Variants in SAMD12 observed in about 807,000 individuals in gnomAD.
SAMD12 encodes sterile alpha motif domain-containing protein 12.
SAMD12 carries 9 observed loss-of-function variants against 15.0 expected under a neutral mutation model. That is an observed-to-expected ratio of 0.60 (90% confidence interval 0.36 to 1.05). The LOEUF is 1.05. Among genes scored for constraint, SAMD12 ranks in the 50% least tolerant of loss-of-function variants. The pLI, the probability that SAMD12 is intolerant of heterozygous loss-of-function variation, is 0.01. For synonymous variants in SAMD12, 86 were observed against 90.1 expected, an observed-to-expected ratio of 0.96 and a Z score of 0.25; for missense variants, 230 against 234.2, an observed-to-expected ratio of 0.98 and a Z score of 0.12.
intron 2 of SAMD12, among the ~76,000 whole-genome samples, chr8:118,580,022 G>A (rs990830709): frequency 6.6e-6 from 1 of 152,136 alleles, no homozygotes; most frequent in African/African-American, 2.4e-5. Context: ...TATTTTGTCA[G>A]TTCTCTGTTA....
At chr8:118,572,095 G>A (rs536737987) in intron 2 of SAMD12, among the ~76,000 whole-genome samples, 11 of 152,220 alleles carry the variant, frequency 7.2e-5, no homozygotes, top group South Asian at 2.1e-4. Flanking sequence ...TTGCATCAGC[G>A]TGACCTGGAT....
Position 118,378,976 on chromosome 8 carries a change from A to G in SAMD12, c.*441T>C. The G allele has an allele frequency of 1.0e-6, 1 of 968,972 alleles. No homozygotes were observed. The highest frequency in any genetic ancestry group is 1.2e-6 in the Non-Finnish European group (1 of 812,418). The allele number at this position is 968,972 out of a possible 1,614,324, so 60.0% of individuals were successfully genotyped here. A position where few individuals can be genotyped will look rare whatever the true frequency, so the allele number is the denominator to read the frequency against. ...TATTATAAAAATTATTCCACTTTCA[A>G]GAAGCTAAATGGGGTTCTTACAATC... On this transcript the variant is annotated 3_prime_UTR_variant, in exon 4 of 4. Coordinates refer to ENST00000314727, the MANE Select transcript of SAMD12 (RefSeq NM_207506.3).
chr8:118,456,639 C>T (rs577882995), intron 2 of SAMD12, among the ~76,000 whole-genome samples: 3 of 152,148 alleles, frequency 2.0e-5, no homozygotes, highest in Non-Finnish European at 4.4e-5. Flanking sequence ...CAAAGGTGAG[C>T]AACTTAAAAA....
intron 2 of SAMD12, among the ~76,000 whole-genome samples, chr8:118,566,786 T>C (rs555606269): frequency 2.6e-5 from 4 of 152,214 alleles, no homozygotes; most frequent in Admixed American, 2.6e-4. Context: ...GGTATATATT[T>C]AGGCTTATCA....
In SAMD12 at chr8:118,589,795, C is replaced by A. The variant is rs150331938; in HGVS notation, c.14-8902G>T. ...ATCATCTTTATGTATATGAATTGAA[C>A]CACGTTTTTATGAAATATTACTTTC... On this transcript the variant is annotated intron_variant, in intron 1 of 3. Coordinates refer to ENST00000314727, the MANE Select transcript of SAMD12 (RefSeq NM_207506.3). 2.0e-5 allele frequency among the ~76,000 whole-genome samples: 3 copies of A among 152,262 alleles called. No individual in the cohort carries two copies. The East Asian group carries it at 5.8e-4, about 29-fold the overall frequency.
chr8:118,355,751 A>C (rs567275855), intron 4 of SAMD12, among the ~76,000 whole-genome samples: 3 of 152,336 alleles, frequency 2.0e-5, no homozygotes, highest in African/African-American at 7.2e-5. Context: ...GAAATTATTA[A>C]AAAGATCCAA....
At chr8:118,198,513 C>T (rs1164957109) in intron 4 of SAMD12, among the ~76,000 whole-genome samples, 3 of 151,998 alleles carry the variant, frequency 2.0e-5, no homozygotes, top group Non-Finnish European at 4.4e-5. Context: ...GTTTCTAATA[C>T]ACAAAACTAT....
intron 2 of SAMD12, among the ~76,000 whole-genome samples, chr8:118,475,646 G>C (rs1474457686): frequency 6.6e-6 from 1 of 152,200 alleles, no homozygotes; most frequent in Non-Finnish European, 1.5e-5. Flanking sequence ...GTGGTCTACT[G>C]CCTCAAAGGG....
chr8:118,531,523 T>C (rs1454539956), intron 2 of SAMD12, among the ~76,000 whole-genome samples: 1 of 152,232 alleles, frequency 6.6e-6, no homozygotes, highest in Non-Finnish European at 1.5e-5. Context: ...TTGGGCAGTA[T>C]GGCCATTTTC....
At chr8:118,187,945 T>C (rs60534691), downstream of SAMD12, among the ~76,000 whole-genome samples, 2 of 152,204 alleles carry the variant, frequency 1.3e-5, no homozygotes, top group African/African-American at 4.8e-5. Context: ...AACTATGATG[T>C]TGAGCAATTA....
intron 2 of SAMD12, among the ~76,000 whole-genome samples, chr8:118,520,595 A>C (rs1825362609): frequency 6.6e-6 from 1 of 152,224 alleles, no homozygotes; most frequent in Admixed American, 6.5e-5. Context: ...GAGAAGATAC[A>C]GGCTCTCAAT....
At chr8:118,178,616 C>T in the SAMD12 span, among the ~76,000 whole-genome samples, 4 of 152,110 alleles carry the variant, frequency 2.6e-5, no homozygotes, top group Non-Finnish European at 5.9e-5. Flanking sequence ...CAGGCAAGCA[C>T]CACCATTCCC....
At chr8:118,144,512 A>G in the SAMD12 span, among the ~76,000 whole-genome samples, 1 of 152,154 alleles carries the variant, frequency 6.6e-6, no homozygotes, top group African/African-American at 2.4e-5. Context: ...GTAAATAAAA[A>G]TTTATTAATT....
chr8:118,444,721 A>G (rs1277534908), intron 2 of SAMD12, among the ~76,000 whole-genome samples: 2 of 152,182 alleles, frequency 1.3e-5, no homozygotes, highest in Non-Finnish European at 2.9e-5. Flanking sequence ...GCCTTAAAGA[A>G]GGTTGAAATT....
intron 4 of SAMD12, among the ~76,000 whole-genome samples, chr8:118,232,531 G>A (rs1466317487): frequency 6.6e-6 from 1 of 152,180 alleles, no homozygotes; most frequent in Admixed American, 6.5e-5. Context: ...TATCAGCAGA[G>A]GAAAAGAGTT....
At chr8:118,181,456 C>A in the SAMD12 span, among the ~76,000 whole-genome samples, 2 of 152,196 alleles carry the variant, frequency 1.3e-5, no homozygotes, top group Non-Finnish European at 1.5e-5. Flanking sequence ...TTCCCCACAA[C>A]AGGGCAGCCA....
chr8:118,246,552 G>C lies in SAMD12; in HGVS notation c.434-48820C>G, dbSNP rs550384199. Among the ~76,000 whole-genome samples, 165 of 152,146 alleles carry C rather than the reference G, an allele frequency of 1.1e-3. 1 individual carries two copies. The highest frequency in any genetic ancestry group is 3.9e-3 in the African/African-American group (162 of 41,526). On this transcript the variant is annotated intron_variant, in intron 4 of 4. Transcript: ENST00000409003. ...TTAAATCAAACTGTACTTTAAACTT[G>C]CATTATCTCTTTTCACTTATGTGTA...
chr8:118,483,736 A>G (rs1002345905), intron 2 of SAMD12, among the ~76,000 whole-genome samples: 1 of 152,192 alleles, frequency 6.6e-6, no homozygotes, highest in Non-Finnish European at 1.5e-5. Context: ...TTGAGGATGT[A>G]CTCAGGGTCA....
intron 2 of SAMD12, among the ~76,000 whole-genome samples, chr8:118,571,003 A>G (rs1346951216): frequency 6.6e-6 from 1 of 152,194 alleles, no homozygotes; most frequent in East Asian, 1.9e-4. Flanking sequence ...ACTTCCAGCC[A>G]CGTGGAAGTG....
Sources: gnomAD v4.1 joint callset for allele counts (sites outside exome capture counted in the v4.1 genomes callset) on GRCh38, gnomAD v4.1.1 for gene constraint, MANE v1.5 for transcripts, NCBI Gene and HGNC (gene_info 2026-07-23, HGNC 2026-07-21) for gene names.